The following LIMCH1 variants were observed in gnomAD, a reference collection of about 807,000 sequenced individuals.
LIMCH1 encodes LIM and calponin homology domains 1, also known as LIM and calponin homology domains-containing protein 1.
A neutral mutation model predicts 176.5 loss-of-function variants in LIMCH1; 113 were observed. The ratio of observed to expected loss-of-function variants is 0.64; its 90% CI spans 0.55 to 0.75. LIMCH1 has a LOEUF of 0.75. LIMCH1 is among the 30% of genes least tolerant of loss of function. The probability of loss-of-function intolerance (pLI) is 0.00; values close to 1 mark genes in which losing one functional copy is unlikely to be tolerated. For missense variants in LIMCH1, 1,674 were observed against 1,814.9 expected (o/e 0.92, Z 1.41); for synonymous variants, 619 against 645.9 (o/e 0.96, Z 0.63).
intron 1 of LIMCH1, among the ~76,000 whole-genome samples, chr4:41,574,064 C>T (rs554874399): frequency 2.6e-4 from 40 of 152,108 alleles, no homozygotes; most frequent in African/African-American, 8.2e-4. Flanking sequence ...CAAACTCAGG[C>T]GGCAGGAAAT....
chr4:41,411,979 A>AAAAAAAAGGAT (rs2059534368), intron 1 of LIMCH1, among the ~76,000 whole-genome samples: 2 of 150,954 alleles, frequency 1.3e-5, no homozygotes, highest in Non-Finnish European at 3.0e-5. Context: ...AAAAAAAAAA[A>AAAAAAAAGGAT]AAAAAAAGGA....
At chr4:41,626,469 T>A (rs927712182) in intron 7 of LIMCH1, among the ~76,000 whole-genome samples, 1 of 152,190 alleles carries the variant, frequency 6.6e-6, no homozygotes, top group Non-Finnish European at 1.5e-5. Context: ...TTTCTGTTGC[T>A]GGTGGAAGCC....
At chr4:41,690,266 C>G (rs1724451607) in intron 30 of LIMCH1, among the ~76,000 whole-genome samples, 1 of 152,168 alleles carries the variant, frequency 6.6e-6, no homozygotes, top group African/African-American at 2.4e-5. Flanking sequence ...GGGACCATGT[C>G]TGTCTTGGTT....
Position 41,549,962 on chromosome 4 carries a change from T to C in LIMCH1, c.-241+11612T>C, listed in dbSNP as rs112580156. Among the ~76,000 whole-genome samples the C allele has an allele frequency of 7.7e-3, 1,165 of 152,088 alleles. 9 individuals carry two copies. The highest frequency in any genetic ancestry group is 0.024 in the African/African-American group (1,015 of 41,540). ...ATTTCAAAGAATGCTGTCTGAATTA[T>C]TAGGTTGGTACAAAAGTAGTTGTGG... On this transcript the variant is annotated intron_variant, in intron 1 of 31. Transcript: ENST00000503057.
intron 2 of LIMCH1, among the ~76,000 whole-genome samples, chr4:41,500,982 C>A (rs918878541): frequency 3.3e-5 from 5 of 152,132 alleles, no homozygotes; most frequent in African/African-American, 1.2e-4. Flanking sequence ...AGAGAAAAAA[C>A]TAGCATCTAC....
At chr4:41,564,585 A>G (rs999147416) in intron 1 of LIMCH1, among the ~76,000 whole-genome samples, 6 of 152,160 alleles carry the variant, frequency 3.9e-5, no homozygotes, top group African/African-American at 1.4e-4. Context: ...CAGTGAAATT[A>G]ATGTATCCTA....
At chr4:41,465,155 CT>C (rs1176364002) in intron 1 of LIMCH1, among the ~76,000 whole-genome samples, 1 of 152,174 alleles carries the variant, frequency 6.6e-6, no homozygotes, top group Non-Finnish European at 1.5e-5. Flanking sequence ...AGCAGTCTTT[CT>C]CCTGCTGGCG....
chr4:41,432,036 A>C (rs568731004), intron 1 of LIMCH1, among the ~76,000 whole-genome samples: 3 of 152,306 alleles, frequency 2.0e-5, no homozygotes, highest in Non-Finnish European at 4.4e-5. Flanking sequence ...CAGGTGAAGA[A>C]ATTTAGGCTA....
intron 5 of LIMCH1, among the ~76,000 whole-genome samples, chr4:41,614,694 A>G (rs1303634853): frequency 6.6e-6 from 1 of 152,192 alleles, no homozygotes; most frequent in African/African-American, 2.4e-5. Context: ...CTGAGATTTT[A>G]GAGATACTCA....
rs113543450 is a variant in LIMCH1 at position 41,697,276 on chromosome 4, C to T, written c.*91C>T. ...AACAAAATCCCAAGCTCAGGGGCTT[C>T]TCAGCATTTACCTAATTTCTGAAAG... On this transcript the variant is annotated 3_prime_UTR_variant, in exon 32 of 32. Coordinates refer to ENST00000503057, the MANE Select transcript of LIMCH1 (RefSeq NM_001330672.2). 9.4e-6 allele frequency: 11 copies of T among 1,174,776 alleles called. No homozygotes were observed. The East Asian group carries it at 2.6e-4, about 28-fold the overall frequency. The allele number at this position is 1,174,776 out of a possible 1,614,324, so 72.8% of individuals were successfully genotyped here.
chr4:41,602,423 T>A (rs2090083901), intron 2 of LIMCH1, among the ~76,000 whole-genome samples: 1 of 152,218 alleles, frequency 6.6e-6, no homozygotes, highest in Non-Finnish European at 1.5e-5. Flanking sequence ...AGCATAATTT[T>A]TAGCACTGGG....
intron 2 of LIMCH1, among the ~76,000 whole-genome samples, chr4:41,495,379 T>A (rs2071925476): frequency 1.3e-5 from 2 of 152,202 alleles, no homozygotes; most frequent in South Asian, 2.1e-4. Flanking sequence ...TGTACATGTA[T>A]GTAACCTAAT....
chr4:41,451,835 T>A (rs77021056), intron 1 of LIMCH1, among the ~76,000 whole-genome samples: 17 of 152,220 alleles, frequency 1.1e-4, no homozygotes, highest in African/African-American at 3.9e-4. Flanking sequence ...TCGTCTTTTT[T>A]ATTCTGCACA....
chr4:41,529,631 C>A (rs6813353), intron 3 of LIMCH1, among the ~76,000 whole-genome samples: 10,531 of 152,204 alleles, frequency 0.069, 606 homozygotes, highest in South Asian at 0.18. Flanking sequence ...GCCCTGGCCA[C>A]CCCTCTCCTT....
intron 1 of LIMCH1, among the ~76,000 whole-genome samples, chr4:41,563,212 A>G (rs1304496542): frequency 6.6e-6 from 1 of 152,026 alleles, no homozygotes; most frequent in African/African-American, 2.4e-5. Context: ...CCTCTCCCAT[A>G]CTCAGTTTCT....
chr4:41,660,995 A>G (rs2094598426), intron 18 of LIMCH1, among the ~76,000 whole-genome samples: 2 of 152,226 alleles, frequency 1.3e-5, no homozygotes, highest in South Asian at 2.1e-4. Context: ...AAAATCCACA[A>G]TGGTAAGGGC....
chr4:41,679,338 C>A (rs1713720856), intron 23 of LIMCH1, among the ~76,000 whole-genome samples: 1 of 152,178 alleles, frequency 6.6e-6, no homozygotes, highest in South Asian at 2.1e-4. Context: ...ATTTTAAACA[C>A]CACTTTTATT....
At position 41,604,041 on chromosome 4, in the gene LIMCH1, A is replaced by G; in HGVS notation, c.-103+136A>G. 4 of 903,980 alleles carry G rather than the reference A, an allele frequency of 4.4e-6. No homozygotes were observed. The South Asian group carries it at 6.4e-5, about 15-fold the overall frequency. The allele number at this position is 903,980 out of a possible 1,614,324, so 56.0% of individuals were successfully genotyped here. On this transcript the variant is annotated intron_variant, in intron 3 of 31. Transcript: ENST00000503057. ...TGTGTATTTCATAGAATAGTTAATG[A>G]CCATGATAGAAATAAAAATAGTAAA...
intron 21 of LIMCH1, among the ~76,000 whole-genome samples, chr4:41,668,859 AAG>A (rs1585631831): frequency 6.6e-6 from 1 of 152,200 alleles, no homozygotes; most frequent in Non-Finnish European, 1.5e-5. Context: ...GTGGCCAGCA[AAG>A]AGAGAGCTTG....
Sources: allele counts gnomAD v4.1 joint callset (sites outside exome capture counted in the v4.1 genomes callset), GRCh38; gene constraint gnomAD v4.1.1; transcripts MANE v1.5; gene names NCBI Gene and HGNC (gene_info 2026-07-23, HGNC 2026-07-21).